The following CCDC85A variants were observed in gnomAD, a reference collection of about 807,000 sequenced individuals.
CCDC85A encodes coiled-coil domain containing 85A, also known as coiled-coil domain-containing protein 85A.
A neutral mutation model predicts 50.2 loss-of-function variants in CCDC85A; 38 were observed. The observed-to-expected ratio is 0.76, with a 90% CI of 0.58 to 0.99. The LOEUF (loss-of-function observed/expected upper bound fraction) is 0.99. CCDC85A is among the 50% of genes least tolerant of loss of function. The pLI, the probability that CCDC85A is intolerant of heterozygous loss-of-function variation, is 0.00. For synonymous variants in CCDC85A, 366 were observed against 301.4 expected, an observed-to-expected ratio of 1.21 and a Z score of -2.22; for missense variants, 820 against 742.0, an observed-to-expected ratio of 1.11 and a Z score of -1.22.
intron 3 of CCDC85A, among the ~76,000 whole-genome samples, chr2:56,360,559 C>T (rs1040455560): frequency 2.0e-5 from 3 of 152,104 alleles, no homozygotes; most frequent in Non-Finnish European, 2.9e-5. Flanking sequence ...AAAATTTTGC[C>T]TTTCCTAAAG....
At chr2:56,225,100 T>C (rs1478738439) in intron 2 of CCDC85A, among the ~76,000 whole-genome samples, 2 of 144,812 alleles carry the variant, frequency 1.4e-5, no homozygotes, top group Non-Finnish European at 3.0e-5. Context: ...TTTTTTTTTT[T>C]CATGAAGTGC....
chr2:56,280,822 G>A (rs1671173562), intron 2 of CCDC85A, among the ~76,000 whole-genome samples: 1 of 152,108 alleles, frequency 6.6e-6, no homozygotes, highest in South Asian at 2.1e-4. Flanking sequence ...AGTACTACAT[G>A]TTAATAAAGT....
chr2:56,188,071 T>C (rs1419029082), intron 1 of CCDC85A, among the ~76,000 whole-genome samples: 2 of 152,232 alleles, frequency 1.3e-5, no homozygotes, highest in African/African-American at 4.8e-5. Context: ...GAAATTTTGG[T>C]TGGTGTGCTA....
intron 2 of CCDC85A, among the ~76,000 whole-genome samples, chr2:56,206,607 C>G (rs1227877960): frequency 6.6e-6 from 1 of 152,104 alleles, no homozygotes; most frequent in East Asian, 1.9e-4. Context: ...TAACCCACTC[C>G]CATGATAACA....
intron 2 of CCDC85A, among the ~76,000 whole-genome samples, chr2:56,253,247 C>T (rs1669846202): frequency 6.6e-6 from 1 of 152,104 alleles, no homozygotes; most frequent in African/African-American, 2.4e-5. Context: ...ACTTCTAACA[C>T]CATAAGCTGC....
chr2:56,184,979 TTCCC>T, intron 1 of CCDC85A, 79 bp downstream of exon 1: 4 of 1,416,440 alleles, frequency 2.8e-6, no homozygotes, highest in Admixed American at 2.7e-5. Flanking sequence ...CAGGCAAACT[TTCCC>T]TCCCTCCCTC....
Position 56,184,391 on chromosome 2 carries a change from G to A in CCDC85A, c.-234G>A. The A allele has an allele frequency of 4.0e-6, 2 of 497,874 alleles. No individual in the cohort carries two copies. Among genetic ancestry groups the A allele is most frequent in the Non-Finnish European group, 5.9e-6 (2 of 336,726 alleles). The allele number at this position is 497,874 out of a possible 1,614,324, so 30.8% of individuals were successfully genotyped here. A position where few individuals can be genotyped will look rare whatever the true frequency, so the allele number is the denominator to read the frequency against. On this transcript the variant is annotated 5_prime_UTR_variant, in exon 1 of 6. Coordinates refer to ENST00000407595, the MANE Select transcript of CCDC85A (RefSeq NM_001080433.2). ...CGCGGAGTTGGGACGGGCCTCGGCA[G>A]CAGCAAGCGGCTGGCTGCCGGGCCC...
At chr2:56,355,061 G>C (rs957198580) in intron 3 of CCDC85A, among the ~76,000 whole-genome samples, 2 of 152,174 alleles carry the variant, frequency 1.3e-5, no homozygotes, top group African/African-American at 4.8e-5. Context: ...TTCACCTACT[G>C]TCTTAAGTCT....
intron 3 of CCDC85A, among the ~76,000 whole-genome samples, chr2:56,371,288 C>T (rs1317992035): frequency 6.6e-6 from 1 of 151,780 alleles, no homozygotes; most frequent in Non-Finnish European, 1.5e-5. Context: ...CTCTTTCTTA[C>T]TTCACTTAAG....
At chr2:56,214,318 G>T (rs997610746) in intron 2 of CCDC85A, among the ~76,000 whole-genome samples, 5 of 151,888 alleles carry the variant, frequency 3.3e-5, no homozygotes, top group Admixed American at 3.3e-4. Flanking sequence ...TAGTCAATGT[G>T]TGTAAAGCAT....
intron 2 of CCDC85A, among the ~76,000 whole-genome samples, chr2:56,201,395 AGTTGG>A (rs1676743423): frequency 1.3e-5 from 2 of 152,112 alleles, no homozygotes; most frequent in Non-Finnish European, 2.9e-5. Flanking sequence ...CTCCCTGGTG[AGTTGG>A]CTTTTCTAGT....
Position 56,311,468 on chromosome 2 carries a change from T to A in CCDC85A, c.1241-31411T>A, listed in dbSNP as rs182255040. 8.1e-3 allele frequency among the ~76,000 whole-genome samples: 1,232 copies of A among 152,052 alleles called. 27 individuals carry two copies. Among genetic ancestry groups the A allele is most frequent in the African/African-American group, 0.027 (1,141 of 41,510 alleles). ...ATCTGTTCATCGTTGTTTTTTTTTT[T>A]AATTTTATTATTATTATACTTTAAG... On this transcript the variant is annotated intron_variant, in intron 2 of 5. Transcript: ENST00000407595.
intron 2 of CCDC85A, among the ~76,000 whole-genome samples, chr2:56,271,724 G>A (rs968837718): frequency 6.6e-6 from 1 of 152,164 alleles, no homozygotes; most frequent in African/African-American, 2.4e-5. Flanking sequence ...ACAGACAAGG[G>A]CAATCATTTC....
rs543797908 is a variant in CCDC85A, at chr2:56,305,410, A to G, written c.1241-37469A>G. Among the ~76,000 whole-genome samples, 6 of 152,316 alleles carry G rather than the reference A, an allele frequency of 3.9e-5. No homozygotes were observed. In the South Asian group the frequency reaches 1.0e-3, roughly 26 times the overall value. ...GTAACCTGCCCCAGGTCAAACAGCT[A>G]GTAAGACATAAAGTGGAGATTTGAA... is the stretch of plus-strand genomic sequence containing the variant. On this transcript the variant is annotated intron_variant, in intron 2 of 5. Transcript: ENST00000407595.
In CCDC85A at chr2:56,192,362, C is replaced by T. The variant is rs976033065; in HGVS notation, c.277-115C>T. On this transcript the variant is annotated intron_variant, in intron 1 of 5. Coordinates refer to ENST00000407595, the MANE Select transcript of CCDC85A (RefSeq NM_001080433.2). This position sits in a 1 kb window ranked among gnomAD's most constrained non-coding sequence, Gnocchi z 4.7. ...CAGCTTCCTCCTACTCCCTCACCTC[C>T]TCCCCTAACCTCACAGGTAATTCAC... The T allele has an allele frequency of 1.0e-4, 151 of 1,445,434 alleles. No individual in the cohort carries two copies. Among genetic ancestry groups the T allele is most frequent in the Non-Finnish European group, 1.3e-4 (135 of 1,077,798 alleles). 89.5% of individuals were successfully genotyped at this position (1,445,434 alleles called of 1,614,324 possible).
intron 2 of CCDC85A, among the ~76,000 whole-genome samples, chr2:56,225,513 G>A (rs1668506835): frequency 6.6e-6 from 1 of 152,112 alleles, no homozygotes; most frequent in African/African-American, 2.4e-5. Flanking sequence ...CCTTATGCCA[G>A]TACCAGAGTG....
At chr2:56,300,324 T>A (rs1672143222) in intron 2 of CCDC85A, among the ~76,000 whole-genome samples, 1 of 152,198 alleles carries the variant, frequency 6.6e-6, no homozygotes, top group African/African-American at 2.4e-5. Context: ...AATAAGTAAA[T>A]GAACATGGAA....
intron 3 of CCDC85A, among the ~76,000 whole-genome samples, chr2:56,349,194 G>A (rs777771022): frequency 6.6e-6 from 1 of 152,052 alleles, no homozygotes; most frequent in Non-Finnish European, 1.5e-5. Flanking sequence ...AATCCATTAA[G>A]GATTGTTTGC....
intron 1 of CCDC85A, among the ~76,000 whole-genome samples, chr2:56,191,312 C>A (rs1490888055): frequency 2.0e-5 from 3 of 152,162 alleles, no homozygotes; most frequent in Non-Finnish European, 4.4e-5. Flanking sequence ...AAAGCTGTAC[C>A]ATGTCAGGGT....
Sources: gnomAD v4.1 joint callset for allele counts (sites outside exome capture counted in the v4.1 genomes callset) on GRCh38, gnomAD v4.1.1 for gene constraint, Gnocchi (gnomAD v3.1) non-coding constraint, MANE v1.5 for transcripts, NCBI Gene and HGNC (gene_info 2026-07-23, HGNC 2026-07-21) for gene names.